The following SLC24A3 variants were observed in gnomAD, a reference collection of about 807,000 sequenced individuals.
SLC24A3 encodes sodium/potassium/calcium exchanger 3.
A neutral mutation model predicts 75.8 loss-of-function variants in SLC24A3; 28 were observed. The ratio of observed to expected loss-of-function variants is 0.37; its 90% CI spans 0.27 to 0.51. The LOEUF (loss-of-function observed/expected upper bound fraction) is 0.51, where lower values mean the gene tolerates loss of function less well. Among genes scored for constraint, SLC24A3 ranks in the 20% least tolerant of loss-of-function variants. The probability of loss-of-function intolerance (pLI) is 0.94; values close to 1 mark genes in which losing one functional copy is unlikely to be tolerated. For synonymous variants in SLC24A3, 372 were observed against 334.1 expected (o/e 1.11, Z -1.24); for missense variants, 663 against 847.8 (o/e 0.78, Z 2.71).
At chr20:19,510,061 C>G (rs1001526004) in intron 2 of SLC24A3, among the ~76,000 whole-genome samples, 1 of 152,212 alleles carries the variant, frequency 6.6e-6, no homozygotes, top group Non-Finnish European at 1.5e-5. Flanking sequence ...ATATAGCACG[C>G]ACGTAGGAGC....
intron 2 of SLC24A3, among the ~76,000 whole-genome samples, chr20:19,312,139 C>A (rs1568586103): frequency 1.3e-5 from 2 of 152,162 alleles, no homozygotes; most frequent in Non-Finnish European, 2.9e-5. Context: ...AAACATTTTT[C>A]TAAGTGGCAG....
intron 2 of SLC24A3, among the ~76,000 whole-genome samples, chr20:19,319,945 G>A (rs971685672): frequency 1.3e-5 from 2 of 152,184 alleles, no homozygotes; most frequent in Non-Finnish European, 2.9e-5. Context: ...CCAAGCATGG[G>A]GAGGTCGCAG....
intron 1 of SLC24A3, chr20:19,213,250 T>G: frequency 4.2e-6 from 1 of 240,746 alleles, no homozygotes. Flanking sequence ...TGTGCGCTGC[T>G]TACTCGCGAG....
chr20:19,261,178 C>T (rs967023459), intron 1 of SLC24A3, among the ~76,000 whole-genome samples: 1 of 152,146 alleles, frequency 6.6e-6, no homozygotes, highest in Non-Finnish European at 1.5e-5. Flanking sequence ...AGAGACTCCT[C>T]GTTCTGGTCT....
rs80200921 is a variant in SLC24A3, at chr20:19,530,167, C to T, written c.348+14603C>T. On this transcript the variant is annotated intron_variant, in intron 3 of 16. Coordinates refer to ENST00000328041, the MANE Select transcript of SLC24A3 (RefSeq NM_020689.4). ...TCATATATACTTGATTCAGTGATGGCGTTGGCATGGAGACACAGCATGAAA... is the reference window on the plus strand; with the variant it reads ...TCATATATACTTGATTCAGTGATGGTGTTGGCATGGAGACACAGCATGAAA... 3.3e-3 allele frequency among the ~76,000 whole-genome samples: 502 copies of T among 152,234 alleles called. 7 individuals carry two copies. Among genetic ancestry groups the T allele is most frequent in the African/African-American group, 0.011 (468 of 41,558 alleles).
At chr20:19,315,011 T>C (rs1984551560) in intron 2 of SLC24A3, among the ~76,000 whole-genome samples, 1 of 152,250 alleles carries the variant, frequency 6.6e-6, no homozygotes. Flanking sequence ...GAAATTTGCT[T>C]TGATTTTCTA....
chr20:19,551,369 C>G (rs2030690704), intron 3 of SLC24A3, among the ~76,000 whole-genome samples: 1 of 152,104 alleles, frequency 6.6e-6, no homozygotes, highest in South Asian at 2.1e-4. Flanking sequence ...GTTGGATGGA[C>G]AAGACCCTTG....
intron 3 of SLC24A3, among the ~76,000 whole-genome samples, chr20:19,526,960 A>G (rs192696749): frequency 1.3e-5 from 2 of 152,238 alleles, no homozygotes; most frequent in Admixed American, 1.3e-4. Flanking sequence ...CCCATAATCC[A>G]TGTGATGACT....
intron 6 of SLC24A3, among the ~76,000 whole-genome samples, chr20:19,644,175 G>T (rs2032107554): frequency 6.6e-6 from 1 of 152,136 alleles, no homozygotes; most frequent in African/African-American, 2.4e-5. Flanking sequence ...TGTCCCAAAG[G>T]TCCCAGATGA....
chr20:19,426,917 T>TA (rs11483481), intron 2 of SLC24A3, among the ~76,000 whole-genome samples: 50,008 of 151,786 alleles, frequency 0.33, 9,543 homozygotes, highest in Middle Eastern at 0.5. Flanking sequence ...AGCAAGGGCA[T>TA]AAAAAGAACA....
chr20:19,585,092 T>C (rs2031276844), intron 5 of SLC24A3, 37 bp downstream of exon 5: 2 of 1,552,368 alleles, frequency 1.3e-6, no homozygotes, highest in Non-Finnish European at 1.8e-6. Flanking sequence ...AGACCTTCAC[T>C]GTCTGAAGGA....
intron 3 of SLC24A3, among the ~76,000 whole-genome samples, chr20:19,547,684 G>A (rs964503481): frequency 1.3e-5 from 2 of 152,202 alleles, no homozygotes; most frequent in African/African-American, 4.8e-5. Flanking sequence ...TGAATGGCCA[G>A]GCCAAAAAAA....
chr20:19,629,009 C>T (rs1057095496), intron 6 of SLC24A3, among the ~76,000 whole-genome samples: 3 of 151,554 alleles, frequency 2.0e-5, no homozygotes, highest in African/African-American at 7.3e-5. Flanking sequence ...AAACATGGCC[C>T]AATAAAAGGA....
chr20:19,554,108 A>C (rs1190881999), intron 3 of SLC24A3, among the ~76,000 whole-genome samples: 1 of 152,240 alleles, frequency 6.6e-6, no homozygotes, highest in Non-Finnish European at 1.5e-5. Flanking sequence ...GCCAGCAGGC[A>C]TGGATGGCTC....
At chr20:19,331,156 C>G (rs894784059) in intron 2 of SLC24A3, among the ~76,000 whole-genome samples, 5 of 152,142 alleles carry the variant, frequency 3.3e-5, no homozygotes, top group African/African-American at 1.2e-4. Flanking sequence ...GGTCAATTGA[C>G]AGTTTGAAAA....
intron 4 of SLC24A3, among the ~76,000 whole-genome samples, chr20:19,581,572 G>T (rs1304850598): frequency 6.6e-6 from 1 of 152,198 alleles, no homozygotes; most frequent in Non-Finnish European, 1.5e-5. Context: ...AATGTTTAAG[G>T]AGGGTGAGGT....
chr20:19,660,542 T>C (rs186061680), intron 7 of SLC24A3, among the ~76,000 whole-genome samples: 1 of 152,350 alleles, frequency 6.6e-6, no homozygotes, highest in East Asian at 1.9e-4. Flanking sequence ...CGTTAGCTGA[T>C]GAATACTCAG....
chr20:19,511,387 G>A (rs1051230990), intron 2 of SLC24A3, among the ~76,000 whole-genome samples: 1 of 151,260 alleles, frequency 6.6e-6, no homozygotes, highest in Non-Finnish European at 1.5e-5. Flanking sequence ...GAGTACAGTG[G>A]CGTGATCTCC....
At chr20:19,535,179 C>G (rs540906411) in intron 3 of SLC24A3, among the ~76,000 whole-genome samples, 1 of 152,342 alleles carries the variant, frequency 6.6e-6, no homozygotes, top group South Asian at 2.1e-4. Flanking sequence ...GATATTGTAT[C>G]AGTTAGCTTT....
Sources: gnomAD v4.1 joint callset for allele counts (sites outside exome capture counted in the v4.1 genomes callset) on GRCh38, gnomAD v4.1.1 for gene constraint, MANE v1.5 for transcripts, NCBI Gene and HGNC (gene_info 2026-07-23, HGNC 2026-07-21) for gene names.